The following FHIT variants were observed in gnomAD, a reference collection of about 807,000 sequenced individuals.
The protein encoded by FHIT is bis(5'-adenosyl)-triphosphatase.
FHIT carries 19 observed loss-of-function variants against 17.9 expected under a neutral mutation model. The ratio of observed to expected loss-of-function variants is 1.06; its 90% CI spans 0.74 to 1.56. The LOEUF is 1.56. FHIT is among the 40% of genes most tolerant of loss of function. The pLI is 0.00. For synonymous variants in FHIT, 81 were observed against 69.7 expected (o/e 1.16, Z -0.81); for missense variants, 248 against 189.2 (o/e 1.31, Z -1.82).
At chr3:60,206,606 TA>T (rs1703204641) in intron 5 of FHIT, among the ~76,000 whole-genome samples, 1 of 152,226 alleles carries the variant, frequency 6.6e-6, no homozygotes, top group Non-Finnish European at 1.5e-5. Context: ...AAAACGAATT[TA>T]TCAATCACGG....
chr3:61,201,215 G>A (rs894835243), intron 1 of FHIT, among the ~76,000 whole-genome samples: 6 of 152,136 alleles, frequency 3.9e-5, no homozygotes, highest in African/African-American at 1.2e-4. Flanking sequence ...CCTTCTCTCG[G>A]AAGAAACTCA....
chr3:60,139,374 C>T (rs189847221), intron 5 of FHIT, among the ~76,000 whole-genome samples: 9 of 92,656 alleles, frequency 9.7e-5, no homozygotes, highest in Non-Finnish European at 1.7e-4. Flanking sequence ...ACTAATTTAA[C>T]CAGAGAACTA....
intron 5 of FHIT, among the ~76,000 whole-genome samples, chr3:60,442,761 T>G (rs2031001814): frequency 6.6e-6 from 1 of 152,180 alleles, no homozygotes; most frequent in South Asian, 2.1e-4. Flanking sequence ...TGCGGGCTCT[T>G]TTTTGGTCCC....
chr3:60,192,071 C>T lies in FHIT; in HGVS notation c.104-177919G>A, dbSNP rs1035530561. 5.3e-5 allele frequency among the ~76,000 whole-genome samples: 8 copies of T among 151,624 alleles called. No individual in the cohort carries two copies. In the East Asian group the frequency reaches 1.2e-3, roughly 22 times the overall value. On this transcript the variant is annotated intron_variant, in intron 5 of 9. Coordinates refer to ENST00000492590, the MANE Select transcript of FHIT (RefSeq NM_002012.4). ...TTCGAGACCAGCCTAGCAAACATGGCGAAACCCTGTCTCTACCAAAAATAT... is the reference window on the plus strand; with the variant it reads ...TTCGAGACCAGCCTAGCAAACATGGTGAAACCCTGTCTCTACCAAAAATAT...
intron 5 of FHIT, among the ~76,000 whole-genome samples, chr3:60,474,665 C>T (rs913190749): frequency 6.6e-6 from 1 of 151,764 alleles, no homozygotes; most frequent in Non-Finnish European, 1.5e-5. Flanking sequence ...CTCTTATCAC[C>T]CAGGCTGGAG....
chr3:59,960,009 G>C (rs1312079218), intron 7 of FHIT, among the ~76,000 whole-genome samples: 2 of 152,140 alleles, frequency 1.3e-5, no homozygotes, highest in African/African-American at 4.8e-5. Context: ...ACATCGAGCA[G>C]GTCAATGAGG....
chr3:60,612,484 T>C (rs1479168677), intron 4 of FHIT, among the ~76,000 whole-genome samples: 1 of 152,202 alleles, frequency 6.6e-6, no homozygotes, highest in African/African-American at 2.4e-5. Context: ...TATCAGGAAA[T>C]CTATGCCTGG....
intron 4 of FHIT, among the ~76,000 whole-genome samples, chr3:60,633,380 C>T (rs1335807525): frequency 6.6e-6 from 1 of 152,152 alleles, no homozygotes; most frequent in Non-Finnish European, 1.5e-5. Context: ...ATGTGTAAAG[C>T]TGTTAGTACA....
At position 60,283,960 on chromosome 3, in the gene FHIT, T is replaced by C. The variant is rs117867971; in HGVS notation, c.103+252900A>G. Among the ~76,000 whole-genome samples, 1,166 of 152,164 alleles carry C rather than the reference T, an allele frequency of 7.7e-3. 65 individuals are homozygous for C. The highest frequency in any genetic ancestry group is 0.06 in the Admixed American group (919 of 15,288). On this transcript the variant is annotated intron_variant, in intron 5 of 9. Coordinates refer to ENST00000492590, the MANE Select transcript of FHIT (RefSeq NM_002012.4). ...CAGGAGCCAGTTCATTAAACATTAA[T>C]GGCAGGGGAATGCCATCCATATATT...
rs149291958 is a variant in FHIT, at chr3:60,320,666, T to G, written c.103+216194A>C. On this transcript the variant is annotated intron_variant, in intron 5 of 9. Transcript: ENST00000492590. Reference sequence around the variant, plus strand: ...ATTCACATAAATCTTTAAAAAATGATAAACTTACCCAAAAACATCCAATCA... The same window carrying G: ...ATTCACATAAATCTTTAAAAAATGAGAAACTTACCCAAAAACATCCAATCA... Among the ~76,000 whole-genome samples the G allele has an allele frequency of 4.1e-3, 621 of 152,232 alleles. 5 individuals carry two copies. The highest frequency in any genetic ancestry group is 0.014 in the African/African-American group (595 of 41,536).
chr3:60,247,651 A>C (rs1056518832), intron 5 of FHIT, among the ~76,000 whole-genome samples: 1 of 152,096 alleles, frequency 6.6e-6, no homozygotes, highest in African/African-American at 2.4e-5. Flanking sequence ...CATTTAGGCA[A>C]ATTTTTATGA....
chr3:60,034,711 G>A (rs1167963963), intron 5 of FHIT, among the ~76,000 whole-genome samples: 5 of 151,988 alleles, frequency 3.3e-5, no homozygotes, highest in Non-Finnish European at 7.4e-5. Context: ...TTACACTTCT[G>A]GTCAAAGTAG....
intron 8 of FHIT, among the ~76,000 whole-genome samples, chr3:59,863,923 G>A (rs1301306418): frequency 1.3e-5 from 2 of 152,070 alleles, no homozygotes; most frequent in Non-Finnish European, 1.5e-5. Context: ...TGAAAAGTTT[G>A]CCCTTCCCTG....
chr3:60,119,365 G>A (rs1253360250), intron 5 of FHIT, among the ~76,000 whole-genome samples: 5 of 147,350 alleles, frequency 3.4e-5, no homozygotes, highest in African/African-American at 1.2e-4. Context: ...AAGCCATCAT[G>A]CCCAGCCTAT....
intron 8 of FHIT, among the ~76,000 whole-genome samples, chr3:59,880,133 T>A (rs1216884629): frequency 1.3e-5 from 2 of 152,014 alleles, no homozygotes; most frequent in Non-Finnish European, 2.9e-5. Flanking sequence ...TCCCTTTAGG[T>A]TTTAAGGTTA....
At chr3:60,938,464 C>A (rs1366188356) in intron 3 of FHIT, among the ~76,000 whole-genome samples, 2 of 152,148 alleles carry the variant, frequency 1.3e-5, no homozygotes, top group Non-Finnish European at 2.9e-5. Context: ...ACATATAAAA[C>A]CAGAATGTCA....
chr3:60,343,008 T>A (rs1576505890), intron 5 of FHIT, among the ~76,000 whole-genome samples: 1 of 152,126 alleles, frequency 6.6e-6, no homozygotes, highest in South Asian at 2.1e-4. Context: ...AATAAAAAAT[T>A]AGAGTCTATA....
intron 4 of FHIT, among the ~76,000 whole-genome samples, chr3:60,553,095 C>T (rs911804058): frequency 1.3e-5 from 2 of 152,154 alleles, no homozygotes; most frequent in African/African-American, 4.8e-5. Flanking sequence ...CCCTGAACTG[C>T]AATGAATGGG....
intron 2 of FHIT, among the ~76,000 whole-genome samples, chr3:61,102,027 C>T (rs1369387373): frequency 6.6e-6 from 1 of 152,138 alleles, no homozygotes; most frequent in African/African-American, 2.4e-5. Flanking sequence ...TCCTCATTTC[C>T]TAATCAAATA....
Sources: gnomAD v4.1 joint callset for allele counts (sites outside exome capture counted in the v4.1 genomes callset) on GRCh38, gnomAD v4.1.1 for gene constraint, MANE v1.5 for transcripts, NCBI Gene and HGNC (gene_info 2026-07-23, HGNC 2026-07-21) for gene names.